Variants in UGT1A10 observed in about 807,000 individuals in gnomAD.
UGT1A10 encodes the protein UDP glucuronosyltransferase family 1 member A10.
In UGT1A10, 49 loss-of-function variants were observed where a neutral mutation model predicts 45.8. That is an observed-to-expected ratio of 1.07 (90% CI 0.85 to 1.36). The LOEUF (loss-of-function observed/expected upper bound fraction) is 1.36. Ranked by LOEUF, UGT1A10 falls within the 40% of genes most tolerant of loss-of-function variation. The probability of loss-of-function intolerance (pLI) is 0.00; values close to 1 mark genes in which losing one functional copy is unlikely to be tolerated. For missense variants in UGT1A10, 745 were observed against 668.6 expected (o/e 1.11, Z -1.26); for synonymous variants, 284 against 249.7 (o/e 1.14, Z -1.29).
intron 1 of UGT1A10, among the ~76,000 whole-genome samples, chr2:233,683,446 T>A (rs1396972347): frequency 6.6e-6 from 1 of 152,140 alleles, no homozygotes; most frequent in Non-Finnish European, 1.5e-5. Context: ...AGAATTCTTG[T>A]ATACTTTCTT....
chr2:233,719,669 C>T (rs375077876), intron 1 of UGT1A10: 192 of 1,614,064 alleles, frequency 1.2e-4, no homozygotes, highest in East Asian at 4.0e-4. Context: ...ACTGTGCCAA[C>T]GGGAAGCCAC....
chr2:233,712,741 A>G (rs2076251056), intron 1 of UGT1A10, among the ~76,000 whole-genome samples: 1 of 149,412 alleles, frequency 6.7e-6, no homozygotes. Context: ...TTGAACTTGG[A>G]TGTTCCCCAG....
At chr2:233,736,476 GGTTT>G (rs1395913354) in intron 1 of UGT1A10, among the ~76,000 whole-genome samples, 2 of 152,080 alleles carry the variant, frequency 1.3e-5, no homozygotes, top group African/African-American at 2.4e-5. Flanking sequence ...AGCTTGGAGA[GGTTT>G]GTTACTACCA....
chr2:233,718,389 G>C (rs2125660033), intron 1 of UGT1A10, among the ~76,000 whole-genome samples: 1 of 152,356 alleles, frequency 6.6e-6, no homozygotes, highest in South Asian at 2.1e-4. Flanking sequence ...AGTTTCAAGG[G>C]TTAGCAAATA....
chr2:233,713,358 A>T, intron 1 of UGT1A10: 1 of 1,614,168 alleles, frequency 6.2e-7, no homozygotes, highest in Non-Finnish European at 8.5e-7. Context: ...TATGTCTTTG[A>T]TCATACATAG....
At chr2:233,700,966 G>A (rs936237302) in intron 1 of UGT1A10, among the ~76,000 whole-genome samples, 4 of 151,880 alleles carry the variant, frequency 2.6e-5, no homozygotes, top group African/African-American at 4.8e-5. Context: ...GAGAACATGC[G>A]GTGTTTGATT....
At chr2:233,745,962 G>A (rs1693268115) in intron 1 of UGT1A10, among the ~76,000 whole-genome samples, 2 of 151,772 alleles carry the variant, frequency 1.3e-5, no homozygotes, top group Admixed American at 1.3e-4. Context: ...GGGGGACAGG[G>A]GCCCTGAAAT....
At chr2:233,689,099 C>A (rs2125541393) in intron 1 of UGT1A10, among the ~76,000 whole-genome samples, 1 of 152,330 alleles carries the variant, frequency 6.6e-6, no homozygotes, top group Non-Finnish European at 1.5e-5. Context: ...TGCCCCTCCC[C>A]ACTGCTCCTG....
chr2:233,748,170 T>G (rs1693885093), intron 1 of UGT1A10: 10 of 1,590,430 alleles, frequency 6.3e-6, no homozygotes, highest in Non-Finnish European at 8.6e-6. Flanking sequence ...TATCTACTTA[T>G]CTTTCTGGTG....
At chr2:233,760,673 A>T (rs1191873899) in intron 1 of UGT1A10, 3 of 1,614,096 alleles carry the variant, frequency 1.9e-6, no homozygotes, top group East Asian at 2.2e-5. Flanking sequence ...GGCTGTTCCC[A>T]CTTACTGCAC....
intron 1 of UGT1A10, among the ~76,000 whole-genome samples, chr2:233,640,296 A>G (rs1345115174): frequency 6.6e-6 from 1 of 152,096 alleles, no homozygotes; most frequent in Non-Finnish European, 1.5e-5. Context: ...GTATTAATTC[A>G]TCTATCCCCT....
intron 1 of UGT1A10, chr2:233,648,356 A>G: frequency 2.4e-6 from 1 of 416,360 alleles, no homozygotes; most frequent in Non-Finnish European, 4.6e-6. Context: ...ATACTTTGAC[A>G]TTACCTTGAA....
At chr2:233,740,246 T>G (rs1354461528) in intron 1 of UGT1A10, among the ~76,000 whole-genome samples, 1 of 151,876 alleles carries the variant, frequency 6.6e-6, no homozygotes, top group African/African-American at 2.4e-5. Flanking sequence ...GAGAATAGAC[T>G]AATACAAGAT....
At chr2:233,703,467 T>G (rs1299395084) in intron 1 of UGT1A10, among the ~76,000 whole-genome samples, 1 of 152,154 alleles carries the variant, frequency 6.6e-6, no homozygotes, top group African/African-American at 2.4e-5. Flanking sequence ...CTATTCTTTA[T>G]TATTTTCTGC....
chr2:233,656,439 T>C (rs2073854770), intron 1 of UGT1A10, among the ~76,000 whole-genome samples: 1 of 152,232 alleles, frequency 6.6e-6, no homozygotes, highest in Non-Finnish European at 1.5e-5. Context: ...TTAGTCAGTG[T>C]CCGGTGGAGG....
In UGT1A10 at chr2:233,729,854, T is replaced by C. The variant is rs773168395; in HGVS notation, c.856-37180T>C. The C allele has an allele frequency of 2.5e-6, 4 of 1,613,682 alleles. No homozygotes were observed. In the African/African-American group the frequency reaches 5.3e-5, roughly 22 times the overall value. On this transcript the variant is annotated intron_variant, in intron 1 of 4. Transcript: ENST00000344644. ...GCCTCTGAGCTTTTTCAGAGAGAGGTGTCAGTGGTGGATATTCTCAGTCAT... is the reference window on the plus strand; with the variant it reads ...GCCTCTGAGCTTTTTCAGAGAGAGGCGTCAGTGGTGGATATTCTCAGTCAT...
At chr2:233,768,577 TTCTTC>T in intron 4 of UGT1A10, 138 bp downstream of exon 4, 1 of 1,379,982 alleles carries the variant, frequency 7.2e-7, no homozygotes, top group Non-Finnish European at 9.4e-7. Context: ...GGATTTTTAT[TTCTTC>T]TTTTTTTTTT....
At chr2:233,770,165 A>G (rs941175167) in intron 4 of UGT1A10, 2 of 152,226 alleles carry the variant, frequency 1.3e-5, no homozygotes, top group Admixed American at 1.3e-4. Context: ...ACACAAATCA[A>G]TGAGCTCAAC....
intron 1 of UGT1A10, among the ~76,000 whole-genome samples, chr2:233,674,153 TGGTAACACAGTC>T (rs2074275216): frequency 6.6e-6 from 1 of 152,178 alleles, no homozygotes; most frequent in Admixed American, 6.5e-5. Flanking sequence ...TCAGTAGACT[TGGTAACACAGTC>T]ATATTCTCTC....
Sources: gnomAD v4.1 joint callset for allele counts (sites outside exome capture counted in the v4.1 genomes callset) on GRCh38, gnomAD v4.1.1 for gene constraint, MANE v1.5 for transcripts, NCBI Gene and HGNC (gene_info 2026-07-23, HGNC 2026-07-21) for gene names.